The following MMP16 variants were observed in gnomAD, a reference collection of about 807,000 sequenced individuals.
MMP16 encodes the protein matrix metalloproteinase-16.
In MMP16, 12 loss-of-function variants were observed where a neutral mutation model predicts 67.8. That is an observed-to-expected ratio of 0.18 (90% CI 0.11 to 0.29). The LOEUF (loss-of-function observed/expected upper bound fraction) is 0.29, where lower values mean the gene tolerates loss of function less well. Ranked by LOEUF, MMP16 falls within the 10% of genes least tolerant of loss-of-function variation. The pLI is 1.00. For synonymous variants in MMP16, 249 were observed against 255.9 expected (o/e 0.97, Z 0.26); for missense variants, 475 against 765.7 (o/e 0.62, Z 4.48).
chr8:88,249,784 T>C (rs2129920812), intron 1 of MMP16, among the ~76,000 whole-genome samples: 1 of 152,086 alleles, frequency 6.6e-6, no homozygotes, highest in African/African-American at 2.4e-5. Context: ...GTAGAGGAAA[T>C]CCATGAGAAA....
intron 1 of MMP16, among the ~76,000 whole-genome samples, chr8:88,306,234 T>C (rs576248194): frequency 1.8e-4 from 28 of 151,972 alleles, no homozygotes; most frequent in African/African-American, 6.8e-4. Context: ...GACTGAACCA[T>C]GAAGAAATTG....
chr8:88,237,139 C>A (rs1809954350), intron 1 of MMP16, among the ~76,000 whole-genome samples: 1 of 152,120 alleles, frequency 6.6e-6, no homozygotes, highest in Admixed American at 6.5e-5. Flanking sequence ...TCAGTTATCA[C>A]CCCTGCACTG....
intron 7 of MMP16, chr8:88,069,500 TATAG>T: frequency 3.8e-6 from 2 of 520,236 alleles, no homozygotes; most frequent in Non-Finnish European, 7.8e-6. Flanking sequence ...CATCTTGGAT[TATAG>T]ATAGAGTGTC....
chr8:88,083,109 A>G (rs1808780405), intron 6 of MMP16, among the ~76,000 whole-genome samples: 1 of 152,078 alleles, frequency 6.6e-6, no homozygotes, highest in South Asian at 2.1e-4. Flanking sequence ...ATTAGAACAA[A>G]GAGTTTCAGA....
intron 6 of MMP16, among the ~76,000 whole-genome samples, chr8:88,111,204 A>G (rs1809329874): frequency 6.6e-6 from 1 of 151,742 alleles, no homozygotes; most frequent in African/African-American, 2.4e-5. Context: ...TCTAAGGGTA[A>G]GAGAAAAATC....
In MMP16 at chr8:88,092,194, G is replaced by T. The variant is rs911953668; in HGVS notation, c.1084-17451C>A. 6.6e-5 allele frequency among the ~76,000 whole-genome samples: 10 copies of T among 151,864 alleles called. No individual in the cohort carries two copies. The East Asian group carries it at 1.4e-3, about 21-fold the overall frequency. On this transcript the variant is annotated intron_variant, in intron 6 of 9. Transcript: ENST00000286614. ...TGTAGTCAGCTGAAATGCTAATTGT[G>T]GTATCACAGTATCACAGGTATAGGC...
intron 6 of MMP16, among the ~76,000 whole-genome samples, chr8:88,077,272 A>G (rs1808666532): frequency 6.6e-6 from 1 of 152,192 alleles, no homozygotes; most frequent in Non-Finnish European, 1.5e-5. Flanking sequence ...AGTGGATGTA[A>G]ACTCATGTCA....
At chr8:88,090,187 T>C (rs1808909807) in intron 6 of MMP16, among the ~76,000 whole-genome samples, 1 of 151,980 alleles carries the variant, frequency 6.6e-6, no homozygotes, top group Admixed American at 6.6e-5. Flanking sequence ...TTGATTTTTA[T>C]TGTGGGGTTG....
intron 1 of MMP16, among the ~76,000 whole-genome samples, chr8:88,269,334 A>C (rs1257932608): frequency 6.6e-6 from 1 of 152,164 alleles, no homozygotes; most frequent in Non-Finnish European, 1.5e-5. Flanking sequence ...AAACATAAAA[A>C]GAGCAAAATA....
At chr8:88,165,493 G>T (rs1227623377) in intron 4 of MMP16, among the ~76,000 whole-genome samples, 1 of 151,944 alleles carries the variant, frequency 6.6e-6, no homozygotes, top group East Asian at 1.9e-4. Context: ...TGCAGCCTGT[G>T]TCAGTAAAAT....
chr8:88,314,505 A>C (rs972895950), intron 1 of MMP16, among the ~76,000 whole-genome samples: 1 of 152,210 alleles, frequency 6.6e-6, no homozygotes, highest in African/African-American at 2.4e-5. Flanking sequence ...TTGTGAAATC[A>C]GTTAAGTCAC....
chr8:88,079,873 T>C (rs977231), intron 6 of MMP16, among the ~76,000 whole-genome samples: 67,707 of 151,962 alleles, frequency 0.45, 15,485 homozygotes, highest in East Asian at 0.66. Context: ...TCACCTTACA[T>C]AGAATCAGCT....
At chr8:88,234,908 T>C (rs1236852625) in intron 1 of MMP16, among the ~76,000 whole-genome samples, 1 of 152,186 alleles carries the variant, frequency 6.6e-6, no homozygotes, top group Non-Finnish European at 1.5e-5. Flanking sequence ...GTAAATGTAT[T>C]TTACTCAAAC....
chr8:88,053,397 G>A (rs17719657), intron 8 of MMP16, among the ~76,000 whole-genome samples: 31,087 of 151,996 alleles, frequency 0.2, 3,693 homozygotes, highest in Non-Finnish European at 0.28. Context: ...CTCATCATTC[G>A]CTATTGCGCA....
rs890877073 is a variant in MMP16, at chr8:88,238,328, C to T, written c.133-41022G>A. Among the ~76,000 whole-genome samples, 36 of 152,098 alleles carry T rather than the reference C, an allele frequency of 2.4e-4. 1 individual carries two copies. The highest frequency in any genetic ancestry group is 4.8e-5 in the African/African-American group (2 of 41,406). ...AGGAGTTTGAGACCAGCCTGGCCAA[C>T]ATGGTGAAACCCCATTTCTACTAAA... On this transcript the variant is annotated intron_variant, in intron 1 of 9. Transcript: ENST00000286614.
intron 4 of MMP16, among the ~76,000 whole-genome samples, chr8:88,161,225 G>A (rs1211702379): frequency 2.0e-5 from 3 of 152,030 alleles, no homozygotes; most frequent in Non-Finnish European, 4.4e-5. Context: ...GAATTTCAGA[G>A]CCTGTTACTG....
intron 1 of MMP16, among the ~76,000 whole-genome samples, chr8:88,288,104 T>C (rs1798658890): frequency 6.6e-6 from 1 of 152,202 alleles, no homozygotes; most frequent in South Asian, 2.1e-4. Flanking sequence ...AAAGCCTCAT[T>C]TACTTTAGAC....
chr8:88,243,671 AT>A (rs1233754885), intron 1 of MMP16, among the ~76,000 whole-genome samples: 2 of 152,064 alleles, frequency 1.3e-5, no homozygotes, highest in Non-Finnish European at 2.9e-5. Flanking sequence ...GATGTAGGTA[AT>A]TTTTTTACGT....
At chr8:88,323,505 A>G (rs1382941934) in intron 1 of MMP16, among the ~76,000 whole-genome samples, 4 of 152,116 alleles carry the variant, frequency 2.6e-5, no homozygotes, top group African/African-American at 9.7e-5. Context: ...AACAAAATCA[A>G]TTTTTGCCTT....
Sources: gnomAD v4.1 joint callset for allele counts (sites outside exome capture counted in the v4.1 genomes callset) on GRCh38, gnomAD v4.1.1 for gene constraint, MANE v1.5 for transcripts, NCBI Gene and HGNC (gene_info 2026-07-23, HGNC 2026-07-21) for gene names.